The following IGF1R variants were observed in gnomAD, a reference collection of about 807,000 sequenced individuals.
IGF1R encodes the protein insulin like growth factor 1 receptor, also known as insulin-like growth factor 1 receptor.
Under a neutral mutation model 144.6 loss-of-function variants are expected in IGF1R, and 44 were observed. The ratio of observed to expected loss-of-function variants is 0.30; its 90% CI spans 0.24 to 0.39. IGF1R has a LOEUF of 0.39. IGF1R is among the 10% of genes least tolerant of loss of function. The pLI, the probability that IGF1R is intolerant of heterozygous loss-of-function variation, is 1.00. For missense variants in IGF1R, 1,355 were observed against 1,833.7 expected (o/e 0.74, Z 4.77); for synonymous variants, 795 against 722.8 (o/e 1.10, Z -1.60).
intron 2 of IGF1R, among the ~76,000 whole-genome samples, chr15:98,797,100 T>C (rs2056261318): frequency 6.6e-6 from 1 of 152,180 alleles, no homozygotes; most frequent in African/African-American, 2.4e-5. Context: ...GTACACAGAG[T>C]TACATTTCGT....
chr15:98,716,925 T>C (rs762285609), intron 2 of IGF1R, among the ~76,000 whole-genome samples: 9 of 152,124 alleles, frequency 5.9e-5, no homozygotes, highest in Non-Finnish European at 1.2e-4. Flanking sequence ...CCTTACAATA[T>C]TGTGGAGTCC....
chr15:98,797,333 G>A (rs2141427622), intron 2 of IGF1R, among the ~76,000 whole-genome samples: 1 of 152,226 alleles, frequency 6.6e-6, no homozygotes, highest in Admixed American at 6.5e-5. Flanking sequence ...CTGCTCGAAA[G>A]CCCACTCAGG....
intron 2 of IGF1R, among the ~76,000 whole-genome samples, chr15:98,794,611 A>T (rs1042135672): frequency 6.6e-6 from 1 of 152,196 alleles, no homozygotes; most frequent in Admixed American, 6.5e-5. Flanking sequence ...GTCTGTGTAA[A>T]GTTCCATTTC....
intron 2 of IGF1R, among the ~76,000 whole-genome samples, chr15:98,847,755 T>A (rs1210453784): frequency 6.6e-6 from 1 of 152,202 alleles, no homozygotes; most frequent in Non-Finnish European, 1.5e-5. Flanking sequence ...TTTCCCAAAA[T>A]TTGCTAAACA....
At chr15:98,728,695 C>T (rs569862509) in intron 2 of IGF1R, among the ~76,000 whole-genome samples, 3 of 152,370 alleles carry the variant, frequency 2.0e-5, no homozygotes, top group African/African-American at 7.2e-5. Flanking sequence ...CTTCTTCATC[C>T]TAGCTCTGGG....
At chr15:98,712,035 C>T (rs2054005288) in intron 2 of IGF1R, among the ~76,000 whole-genome samples, 1 of 152,200 alleles carries the variant, frequency 6.6e-6, no homozygotes, top group Middle Eastern at 3.2e-3. Context: ...GCCTAATCAC[C>T]TCCCAGAGCC....
intron 18 of IGF1R, among the ~76,000 whole-genome samples, chr15:98,942,077 G>A (rs963012257): frequency 2.6e-5 from 4 of 152,126 alleles, no homozygotes; most frequent in East Asian, 1.9e-4. Context: ...CAGGGGCCTC[G>A]TAAATAGCAT....
intron 2 of IGF1R, among the ~76,000 whole-genome samples, chr15:98,822,457 C>CA (rs1463671710): frequency 6.6e-6 from 1 of 152,198 alleles, no homozygotes; most frequent in Non-Finnish European, 1.5e-5. Context: ...TCTCGTCTTA[C>CA]AAGGTCCCGA....
At chr15:98,740,596 G>A (rs113643143) in intron 2 of IGF1R, among the ~76,000 whole-genome samples, 2,033 of 152,268 alleles carry the variant, frequency 0.013, 47 homozygotes, top group African/African-American at 0.046. Context: ...CTCTTTTTGA[G>A]GGGGAAAAAT....
At chr15:98,693,134 T>C (rs1955167835) in intron 1 of IGF1R, among the ~76,000 whole-genome samples, 1 of 152,170 alleles carries the variant, frequency 6.6e-6, no homozygotes, top group Non-Finnish European at 1.5e-5. Flanking sequence ...ATGAACGTCC[T>C]TGCTATTTCC....
chr15:98,780,142 TTAAAG>T (rs1191836458), intron 2 of IGF1R, among the ~76,000 whole-genome samples: 5 of 151,510 alleles, frequency 3.3e-5, no homozygotes, highest in African/African-American at 1.2e-4. Context: ...TATTGAAAAC[TTAAAG>T]TATAATAAAA....
chr15:98,794,052 C>T (rs189862192), intron 2 of IGF1R, among the ~76,000 whole-genome samples: 191 of 152,298 alleles, frequency 1.3e-3, no homozygotes, highest in South Asian at 3.5e-3. Context: ...CCTGGGTATT[C>T]CTCCCTAGAA....
chr15:98,947,800 C>T (rs980678583), intron 19 of IGF1R, among the ~76,000 whole-genome samples: 2 of 152,216 alleles, frequency 1.3e-5, no homozygotes, highest in Non-Finnish European at 2.9e-5. Context: ...CCAGCCAGTG[C>T]AGCCCACCCT....
chr15:98,709,103 C>G (rs1001099561), intron 2 of IGF1R, among the ~76,000 whole-genome samples: 3 of 152,146 alleles, frequency 2.0e-5, no homozygotes, highest in African/African-American at 4.8e-5. Context: ...AGTGTGTTAG[C>G]TATAAATAGC....
chr15:98,678,862 A>G (rs1170647851), intron 1 of IGF1R, among the ~76,000 whole-genome samples: 2 of 151,020 alleles, frequency 1.3e-5, no homozygotes, highest in Non-Finnish European at 2.9e-5. Flanking sequence ...GACAGCTTTA[A>G]AAAAGGTCTT....
chr15:98,947,939 A>C (rs1356021364), intron 19 of IGF1R, among the ~76,000 whole-genome samples: 1 of 152,134 alleles, frequency 6.6e-6, no homozygotes, highest in Non-Finnish European at 1.5e-5. Flanking sequence ...TAGATCTTCT[A>C]AACATTCCAG....
In IGF1R at chr15:98,912,076, T is replaced by A. The variant is rs45603331; in HGVS notation, c.1589+635T>A. On this transcript the variant is annotated intron_variant, in intron 7 of 20. Transcript: ENST00000650285. The stretch of plus-strand genomic sequence containing the variant: ...GCAGCCGAGGCTTATTCCTCCCGAC[T>A]GCAGCCCTCTTTGATCTCCCTCTTC... Among the ~76,000 whole-genome samples, 461 of 152,338 alleles carry A rather than the reference T, an allele frequency of 3.0e-3. 8 individuals are homozygous for A. Among genetic ancestry groups the A allele is most frequent in the Admixed American group, 0.012 (179 of 15,300 alleles).
intron 2 of IGF1R, among the ~76,000 whole-genome samples, chr15:98,830,269 C>A (rs1249679826): frequency 1.3e-5 from 2 of 152,204 alleles, no homozygotes; most frequent in Non-Finnish European, 2.9e-5. Context: ...ATGGCTTTAT[C>A]CATCACAGCC....
chr15:98,666,608 T>A (rs1003708475), intron 1 of IGF1R, among the ~76,000 whole-genome samples: 1 of 152,182 alleles, frequency 6.6e-6, no homozygotes, highest in Non-Finnish European at 1.5e-5. Context: ...TTGAAGACAC[T>A]CTGCGAAGTG....
Sources: allele counts gnomAD v4.1 joint callset (sites outside exome capture counted in the v4.1 genomes callset), GRCh38; gene constraint gnomAD v4.1.1; transcripts MANE v1.5; gene names NCBI Gene and HGNC (gene_info 2026-07-23, HGNC 2026-07-21).